The following RANBP2 variants were observed in gnomAD, a reference collection of about 807,000 sequenced individuals.
The protein encoded by RANBP2 is RAN binding protein 2.
A neutral mutation model predicts 303.6 loss-of-function variants in RANBP2; 57 were observed. The ratio of observed to expected loss-of-function variants is 0.19; its 90% CI spans 0.15 to 0.23. The LOEUF (loss-of-function observed/expected upper bound fraction) is 0.23. RANBP2 is among the 10% of genes least tolerant of loss of function. The pLI is 1.00. For missense variants in RANBP2, 3,138 were observed against 3,780.8 expected, an observed-to-expected ratio of 0.83 and a Z score of 4.46; for synonymous variants, 1,167 against 1,301.5, an observed-to-expected ratio of 0.90 and a Z score of 2.23.
At chr2:109,170,874 C>T in the RANBP2 span, among the ~76,000 whole-genome samples, 2 of 152,184 alleles carry the variant, frequency 1.3e-5, no homozygotes, top group Non-Finnish European at 2.9e-5. Context: ...TACCTTGCGT[C>T]ACCTTCCTCT....
At chr2:109,169,245 A>C in the RANBP2 span, among the ~76,000 whole-genome samples, 1 of 152,246 alleles carries the variant, frequency 6.6e-6, no homozygotes, top group Non-Finnish European at 1.5e-5. Flanking sequence ...CTAAGCATTT[A>C]AAATCATTTG....
chr2:109,245,066 T>C, the RANBP2 span, among the ~76,000 whole-genome samples: 1 of 152,196 alleles, frequency 6.6e-6, no homozygotes, highest in South Asian at 2.1e-4. Flanking sequence ...AGCCTTGTGC[T>C]GAGGGACCCA....
the RANBP2 span, among the ~76,000 whole-genome samples, chr2:109,590,789 G>C: frequency 2.0e-5 from 3 of 152,102 alleles, no homozygotes; most frequent in Non-Finnish European, 4.4e-5. Flanking sequence ...AGCATGAAGA[G>C]AACTCCACCT....
At chr2:109,667,193 AGC>A in the RANBP2 span, 5 of 1,283,466 alleles carry the variant, frequency 3.9e-6, no homozygotes, top group Non-Finnish European at 5.6e-6. Flanking sequence ...CCTTGCAGAA[AGC>A]CTTGCCATTT....
chr2:108,888,069 C>A, the RANBP2 span, among the ~76,000 whole-genome samples: 31 of 152,076 alleles, frequency 2.0e-4, no homozygotes, highest in African/African-American at 7.0e-4. Flanking sequence ...AGTTTTTATC[C>A]TGGAGTGATG....
chr2:109,710,540 G>C, the RANBP2 span, among the ~76,000 whole-genome samples: 6 of 152,188 alleles, frequency 3.9e-5, no homozygotes, highest in African/African-American at 1.4e-4. Flanking sequence ...CACAAGGTGG[G>C]GCTGAAGGCT....
At chr2:109,325,950 T>C in the RANBP2 span, among the ~76,000 whole-genome samples, 2 of 152,238 alleles carry the variant, frequency 1.3e-5, no homozygotes, top group African/African-American at 4.8e-5. Context: ...TTAATGATAT[T>C]TTCACTGTGA....
the RANBP2 span, among the ~76,000 whole-genome samples, chr2:109,351,565 C>A: frequency 3.3e-5 from 5 of 152,244 alleles, no homozygotes; most frequent in African/African-American, 1.2e-4. Flanking sequence ...ATTGTGGTCG[C>A]CTTGCCAGGC....
chr2:109,459,218 A>T, the RANBP2 span, among the ~76,000 whole-genome samples: 1 of 152,204 alleles, frequency 6.6e-6, no homozygotes. Context: ...AAGAAAACAA[A>T]GGTACTGCTT....
the RANBP2 span, among the ~76,000 whole-genome samples, chr2:109,651,800 G>A: frequency 6.6e-6 from 1 of 152,108 alleles, no homozygotes; most frequent in African/African-American, 2.4e-5. Context: ...GTTTCCCAAC[G>A]GCATCCACCG....
chr2:109,576,125 T>A, the RANBP2 span, among the ~76,000 whole-genome samples: 1 of 152,038 alleles, frequency 6.6e-6, no homozygotes, highest in South Asian at 2.1e-4. Context: ...CAGCCAGGCA[T>A]TGTGAGGTGC....
chr2:109,326,730 G>C, the RANBP2 span, among the ~76,000 whole-genome samples: 2 of 152,204 alleles, frequency 1.3e-5, no homozygotes, highest in Admixed American at 6.5e-5. Flanking sequence ...GTTCTTACCT[G>C]GTGTTTACTG....
At chr2:109,599,224 A>C in the RANBP2 span, among the ~76,000 whole-genome samples, 22 of 152,154 alleles carry the variant, frequency 1.4e-4, no homozygotes, top group Middle Eastern at 6.8e-3. Flanking sequence ...CTGGGAGGCC[A>C]AGACCGGTGG....
At chr2:109,590,289 T>C in the RANBP2 span, among the ~76,000 whole-genome samples, 1 of 151,944 alleles carries the variant, frequency 6.6e-6, no homozygotes, top group African/African-American at 2.4e-5. Flanking sequence ...GCACACAAAC[T>C]TTCTCCCAGT....
At chr2:109,504,693 TAGG>T in the RANBP2 span, 1 of 152,242 alleles carries the variant, frequency 6.6e-6, no homozygotes, top group Non-Finnish European at 1.5e-5. Flanking sequence ...GGGACCCAGG[TAGG>T]AGCAGAACCT....
chr2:109,592,327 T>C, the RANBP2 span, among the ~76,000 whole-genome samples: 3 of 151,796 alleles, frequency 2.0e-5, no homozygotes, highest in African/African-American at 7.2e-5. Flanking sequence ...TAGCCAGGTG[T>C]GGTGGCACAC....
chr2:109,250,852 G>C, the RANBP2 span, among the ~76,000 whole-genome samples: 14 of 151,810 alleles, frequency 9.2e-5, no homozygotes, highest in Admixed American at 7.2e-4. Context: ...GTGCTGTTTA[G>C]GTAGAACAAA....
At chr2:109,260,222 G>A in the RANBP2 span, among the ~76,000 whole-genome samples, 1 of 152,112 alleles carries the variant, frequency 6.6e-6, no homozygotes. Flanking sequence ...GCAGCCCTGT[G>A]ATTTACCGTC....
chr2:109,442,129 G>A, the RANBP2 span, among the ~76,000 whole-genome samples: 1 of 152,108 alleles, frequency 6.6e-6, no homozygotes, highest in East Asian at 1.9e-4. Flanking sequence ...GGCTAACACA[G>A]TGAAACCCCG....
Sources: gnomAD v4.1 joint callset for allele counts (sites outside exome capture counted in the v4.1 genomes callset) on GRCh38, gnomAD v4.1.1 for gene constraint, MANE v1.5 for transcripts, NCBI Gene and HGNC (gene_info 2026-07-23, HGNC 2026-07-21) for gene names.